AACS: variants seen among roughly 807,000 people sequenced by gnomAD.
AACS encodes acetoacetyl-CoA synthetase, also known as acetoacetate-CoA ligase.
Under a neutral mutation model 83.1 loss-of-function variants are expected in AACS, and 69 were observed. The ratio of observed to expected loss-of-function variants is 0.83; its 90% confidence interval spans 0.68 to 1.01. AACS has a LOEUF of 1.01. Among genes scored for constraint, AACS ranks in the 50% least tolerant of loss-of-function variants. The probability of loss-of-function intolerance (pLI) is 0.00; values close to 1 mark genes in which losing one functional copy is unlikely to be tolerated. For synonymous variants in AACS, 333 were observed against 343.4 expected (o/e 0.97, Z 0.33); for missense variants, 866 against 882.2 (o/e 0.98, Z 0.23).
rs1955660138 is a variant in AACS at position 125,065,478 on chromosome 12, A to G, written c.-107A>G. 8.3e-7 allele frequency: 1 copy of G among 1,211,410 alleles called. No homozygotes were observed. 75.0% of individuals were successfully genotyped at this position (1,211,410 alleles called of 1,614,324 possible). ...GCCGCCGTCGCTGACCCAGCCCGCC[A>G]GGCGCTCCTGACCGTCGCTTCCTCC... On this transcript the variant is annotated 5_prime_UTR_variant, in exon 1 of 18. Transcript: ENST00000316519.
At position 125,129,915 on chromosome 12, in the gene AACS, C is replaced by T. The variant is rs141468835; in HGVS notation, c.1549+455C>T. Among the ~76,000 whole-genome samples the T allele has an allele frequency of 6.8e-3, 1,032 of 151,928 alleles. 11 individuals are homozygous for T. The highest frequency in any genetic ancestry group is 0.017 in the Middle Eastern group (5 of 290). ...AGATGCTGGAGGAAGAGCGCTTTTG[C>T]GGTGGAAGCATTTACAACCCGACAC... On this transcript the variant is annotated intron_variant, in intron 14 of 17. Transcript: ENST00000316519. The surrounding 1 kb of genome is among the most constrained non-coding windows in gnomAD (Gnocchi z 4.3).
At chr12:125,073,816 C>A in intron 1 of AACS, 60 bp from the exon 2 acceptor site, 3 of 1,405,468 alleles carry the variant, frequency 2.1e-6, no homozygotes, top group Non-Finnish European at 3.0e-6. Flanking sequence ...GTGTGTCCAT[C>A]TTATTAATGG....
rs1402279484 is a variant in AACS, at chr12:125,094,836, T to G, written c.570+3313T>G. Among the ~76,000 whole-genome samples the G allele has an allele frequency of 2.0e-5, 3 of 152,154 alleles. No individual in the cohort carries two copies. The highest frequency in any genetic ancestry group is 4.4e-5 in the Non-Finnish European group (3 of 68,016). On this transcript the variant is annotated intron_variant, in intron 5 of 17. Transcript: ENST00000316519. This position sits in a 1 kb window ranked among gnomAD's most constrained non-coding sequence, Gnocchi z 4.1. The stretch of plus-strand genomic sequence containing the variant: ...CTAGGTCCTGAGTCTTTTGATGGCT[T>G]TGGGTTTTTTGTTTCACTGTTTACC...
Position 125,077,211 on chromosome 12 carries a change from C to T in AACS, c.358+600C>T, listed in dbSNP as rs148912344. Among the ~76,000 whole-genome samples, 13 of 151,936 alleles carry T rather than the reference C, an allele frequency of 8.6e-5. No homozygotes were observed. In the East Asian group the frequency reaches 1.5e-3, roughly 18 times the overall value. On this transcript the variant is annotated intron_variant, in intron 3 of 17. Transcript: ENST00000316519. ...GATTTCAGACATGAGCCACTGCACCCGGCCCCTGTGCAGCTTTTAAAAATT... is the reference window on the plus strand; with the variant it reads ...GATTTCAGACATGAGCCACTGCACCTGGCCCCTGTGCAGCTTTTAAAAATT...
chr12:125,095,021 G>C lies in AACS; in HGVS notation c.570+3498G>C, dbSNP rs558491523. Among the ~76,000 whole-genome samples, 34 of 108,398 alleles carry C rather than the reference G, an allele frequency of 3.1e-4. No individual in the cohort carries two copies. In the East Asian group the frequency reaches 9.5e-3, roughly 30 times the overall value. 71.1% of individuals were successfully genotyped at this position (108,398 alleles called of 152,430 possible). A position where few individuals can be genotyped will look rare whatever the true frequency, so the allele number is the denominator to read the frequency against. On this transcript the variant is annotated intron_variant, in intron 5 of 17. Transcript: ENST00000316519. ...TGTGTGTGTGTGTGTGTGTGTGTGT[G>C]TGTCTGTGTGTGTAAATAGGACAGC...
chr12:125,105,387 A>G (rs1956811883), intron 7 of AACS: 1 of 152,148 alleles, frequency 6.6e-6, no homozygotes, highest in South Asian at 2.1e-4. Context: ...TGCCTGTCCC[A>G]TGGACTGTGG....
At chr12:125,112,732 T>A (rs1956981188) in intron 8 of AACS, among the ~76,000 whole-genome samples, 1 of 150,296 alleles carries the variant, frequency 6.7e-6, no homozygotes, top group South Asian at 2.1e-4. Context: ...AAAGGTTTAA[T>A]GGACTTAACA....
At chr12:125,102,039 A>AC (rs1308165926) in intron 5 of AACS, 2 of 147,524 alleles carry the variant, frequency 1.4e-5, no homozygotes, top group African/African-American at 5.1e-5. Flanking sequence ...TGCTGGGATT[A>AC]CAGGTGTAAG....
chr12:125,110,358 G>A (rs998567239), intron 8 of AACS, among the ~76,000 whole-genome samples: 1 of 151,990 alleles, frequency 6.6e-6, no homozygotes, highest in African/African-American at 2.4e-5. Flanking sequence ...GGCCTGAGCC[G>A]TCACGCCCAG....
chr12:125,073,746 C>T, intron 1 of AACS, 130 bp from the exon 2 acceptor site: 1 of 682,768 alleles, frequency 1.5e-6, no homozygotes, highest in Non-Finnish European at 2.5e-6. Context: ...CTCCTTCCTC[C>T]CCCAGACCAT....
At chr12:125,099,034 G>T (rs748194494) in intron 5 of AACS, among the ~76,000 whole-genome samples, 1 of 152,216 alleles carries the variant, frequency 6.6e-6, no homozygotes, top group Non-Finnish European at 1.5e-5. Context: ...TACCAAGTGC[G>T]AAATGTGCCG....
At chr12:125,112,235 G>GGGGAA (rs1261222500) in intron 8 of AACS, among the ~76,000 whole-genome samples, 3 of 152,172 alleles carry the variant, frequency 2.0e-5, no homozygotes, top group African/African-American at 2.4e-5. Flanking sequence ...TTGAGTGCCT[G>GGGGAA]GGGAAGGGAA....
intron 1 of AACS, 121 bp downstream of exon 1, chr12:125,065,838 G>C: frequency 7.4e-7 from 1 of 1,358,222 alleles, no homozygotes. Flanking sequence ...TTGATGGCGG[G>C]GAGGCCTTCT....
At chr12:125,074,227 T>TTTTGTTTG (rs530132337) in intron 2 of AACS, among the ~76,000 whole-genome samples, 1 of 151,998 alleles carries the variant, frequency 6.6e-6, no homozygotes, top group African/African-American at 2.4e-5. Flanking sequence ...TAAATAGTAG[T>TTTTGTTTG]TTTGTTTGTT....
rs1955659337 is a variant in AACS at position 125,065,467 on chromosome 12, C to T, written c.-118C>T. 6.9e-6 allele frequency: 8 copies of T among 1,162,382 alleles called. No homozygotes were observed. Among genetic ancestry groups the T allele is most frequent in the Middle Eastern group, 6.3e-4 (2 of 3,156 alleles). 72.0% of individuals were successfully genotyped at this position (1,162,382 alleles called of 1,614,324 possible). Reference sequence around the variant, plus strand: ...TGTTCCCCGCCGCCGCCGTCGCTGACCCAGCCCGCCAGGCGCTCCTGACCG... The same window carrying T: ...TGTTCCCCGCCGCCGCCGTCGCTGATCCAGCCCGCCAGGCGCTCCTGACCG... On this transcript the variant is annotated 5_prime_UTR_variant, in exon 1 of 18. Transcript: ENST00000316519.
intron 7 of AACS, chr12:125,105,204 T>C (rs1376096986): frequency 6.6e-6 from 1 of 152,298 alleles, no homozygotes; most frequent in Non-Finnish European, 1.5e-5. Flanking sequence ...ACATCCACAC[T>C]CTTATCAGCA....
chr12:125,127,931 GA>G (rs1957271620), intron 12 of AACS: 1 of 376,822 alleles, frequency 2.7e-6, no homozygotes, highest in African/African-American at 2.1e-5. Flanking sequence ...CCTCTGGCAG[GA>G]AGGCTCGGCT....
rs1055181226 is a variant in AACS, at chr12:125,116,057, T to C, written c.996+1500T>C. ...GAGACAAATGATTCAGGTTTTTTTT[T>C]CTGCAGGGATTTGCTCTACAACCCA... On this transcript the variant is annotated intron_variant, in intron 9 of 17. Transcript: ENST00000316519. Among the ~76,000 whole-genome samples, 6 of 152,148 alleles carry C rather than the reference T, an allele frequency of 3.9e-5. No homozygotes were observed. The South Asian group carries it at 8.3e-4, about 21-fold the overall frequency.
At chr12:125,086,292 G>T in intron 3 of AACS, 38 bp from the exon 4 acceptor site, 1 of 1,574,176 alleles carries the variant, frequency 6.4e-7, no homozygotes, top group Non-Finnish European at 8.7e-7. Context: ...TTCTTTTTGC[G>T]GTGGTCTGTG....
Sources: allele counts gnomAD v4.1 joint callset (sites outside exome capture counted in the v4.1 genomes callset), GRCh38; gene constraint gnomAD v4.1.1; non-coding constraint Gnocchi (gnomAD v3.1); transcripts MANE v1.5; gene names NCBI Gene and HGNC (gene_info 2026-07-23, HGNC 2026-07-21).